The following ZNF254 variants were observed in gnomAD, a reference collection of about 807,000 sequenced individuals.
The protein encoded by ZNF254 is zinc finger protein 254.
ZNF254 carries 10 observed loss-of-function variants against 12.4 expected under a neutral mutation model. That is an observed-to-expected ratio of 0.80 (90% CI 0.50 to 1.36). ZNF254 has a LOEUF of 1.36. Among genes scored for constraint, ZNF254 ranks in the 40% most tolerant of loss-of-function variants. ZNF254 has a pLI of 0.00. For synonymous variants in ZNF254, 305 were observed against 253.4 expected (o/e 1.20, Z -1.93); for missense variants, 996 against 763.9 (o/e 1.30, Z -3.58).
intron 3 of ZNF254, among the ~76,000 whole-genome samples, chr19:24,117,488 C>G (rs1003258651): frequency 3.3e-5 from 5 of 152,300 alleles, no homozygotes; most frequent in African/African-American, 1.2e-4. Flanking sequence ...GGGCGTAGGA[C>G]CCTCCGAGCC....
intron 1 of ZNF254, chr19:24,033,686 T>C (rs528269492): frequency 9.9e-6 from 3 of 303,844 alleles, no homozygotes; most frequent in African/African-American, 2.3e-5. Context: ...GGGACTGCCT[T>C]CGTCACCGCT....
upstream of ZNF254, among the ~76,000 whole-genome samples, chr19:24,086,923 G>A (rs749824656): frequency 1.3e-5 from 2 of 152,132 alleles, no homozygotes; most frequent in Non-Finnish European, 2.9e-5. Context: ...TGAATACATT[G>A]AAAAAGAGAG....
rs758502367 is a variant in ZNF254 at position 24,127,204 on chromosome 19, G to T, written c.1204G>T (p.Gly402Ter). 1 of 1,612,844 alleles carries T rather than the reference G, an allele frequency of 6.2e-7. No homozygotes were observed. The highest frequency in any genetic ancestry group is 2.2e-5 in the East Asian group (1 of 44,718). ...TACTACACATAAAATAATTCATGTTGGAGAGAAACTCTACAAATGTGAAGA... is the reference window on the plus strand; with the variant it reads ...TACTACACATAAAATAATTCATGTTTGAGAGAAACTCTACAAATGTGAAGA... ...TLTTHKIIHV[G>*]EKLYKCEECG... is the part of the protein sequence containing the mutation. The change falls in exon 4 of 4, where the codon GGA becomes TGA. Residue 402 changes from glycine (G) to a stop codon, truncating the protein, a stop_gained. Transcript: ENST00000357002. LOFTEE classifies it low-confidence loss of function (END_TRUNC).
intron 1 of ZNF254, among the ~76,000 whole-genome samples, chr19:24,100,122 C>A (rs1378845890): frequency 2.0e-5 from 3 of 152,120 alleles, no homozygotes; most frequent in Non-Finnish European, 4.4e-5. Flanking sequence ...CAGATTTCTA[C>A]AAACTTTATA....
Position 24,126,891 on chromosome 19 carries a change from A to T in ZNF254, c.891A>T (p.Glu297Asp), listed in dbSNP as rs376042718. ...IHTGEKPYKCEECGKAFIWSS... is the reference protein window; with the variant it reads ...IHTGEKPYKCDECGKAFIWSS... ...CTGGAGAGAAACCTTACAAGTGTGAAGAATGTGGCAAAGCATTTATCTGGT... is the reference window on the plus strand; with the variant it reads ...CTGGAGAGAAACCTTACAAGTGTGATGAATGTGGCAAAGCATTTATCTGGT... The change falls in exon 4 of 4, where the codon GAA (glutamate) becomes GAT (aspartate). Residue 297 changes from glutamate to aspartate, a missense_variant. Glu to Asp is a conservative substitution (Grantham distance 45). Coordinates refer to ENST00000357002, the MANE Select transcript of ZNF254 (RefSeq NM_203282.4). 141 of 1,613,548 alleles carry T rather than the reference A, an allele frequency of 8.7e-5. No homozygotes were observed. The highest frequency in any genetic ancestry group is 1.2e-4 in the Non-Finnish European group (136 of 1,179,796).
intron 3 of ZNF254, among the ~76,000 whole-genome samples, chr19:24,118,851 C>G (rs537492373): frequency 6.6e-6 from 1 of 152,170 alleles, no homozygotes; most frequent in African/African-American, 2.4e-5. Flanking sequence ...GCACCTCACA[C>G]CTATAATCCT....
chr19:24,067,368 T>C (rs1006640848), intron 2 of ZNF254, among the ~76,000 whole-genome samples: 1 of 151,612 alleles, frequency 6.6e-6, no homozygotes, highest in Non-Finnish European at 1.5e-5. Context: ...TTGTGACATA[T>C]CTATGGGTCA....
Position 24,127,025 on chromosome 19 carries a change from G to A in ZNF254, c.1025G>A (p.Arg342Lys). Residue 342 changes from arginine (R) to lysine (K), a missense_variant, in exon 4 of 4, where the codon AGG becomes AAG. Transcript: ENST00000357002. ...IWSSTLTRHK[R>K]MHTGEKPYKC... ...TCCTCAACACTAACTAGACATAAGA[G>A]GATGCACACTGGAGAGAAACCCTAC... The A allele has an allele frequency of 6.2e-7, 1 of 1,612,210 alleles. No homozygotes were observed. The highest frequency in any genetic ancestry group is 8.5e-7 in the Non-Finnish European group (1 of 1,179,528).
At chr19:24,044,360 A>G (rs1039645059) in intron 1 of ZNF254, among the ~76,000 whole-genome samples, 1 of 152,036 alleles carries the variant, frequency 6.6e-6, no homozygotes, top group African/African-American at 2.4e-5. Flanking sequence ...AACATGGTGA[A>G]ACCCCGTCTT....
rs755726842 is a variant in ZNF254 at position 24,127,523 on chromosome 19, A to G, written c.1523A>G (p.His508Arg). ...SFSQSSTLTT[H>R]KIIHTGEKPY... Reference sequence around the variant, plus strand: ...AGCCAATCCTCAACCCTTACTACACATAAGATAATTCATACTGGAGAGAAA... The same window carrying G: ...AGCCAATCCTCAACCCTTACTACACGTAAGATAATTCATACTGGAGAGAAA... Residue 508 changes from histidine (H) to arginine (R), a missense_variant, in exon 4 of 4, where the codon CAT becomes CGT. His to Arg is a conservative substitution (Grantham distance 29). Coordinates refer to ENST00000357002, the MANE Select transcript of ZNF254 (RefSeq NM_203282.4). The G allele has an allele frequency of 6.2e-6, 10 of 1,613,636 alleles. No individual in the cohort carries two copies. The highest frequency in any genetic ancestry group is 2.2e-5 in the East Asian group (1 of 44,834).
chr19:24,092,285 G>A (rs1017492359), intron 1 of ZNF254, among the ~76,000 whole-genome samples: 4 of 151,638 alleles, frequency 2.6e-5, no homozygotes, highest in Non-Finnish European at 5.9e-5. Context: ...TCCTGCTTCA[G>A]CCTCTCGAAT....
intron 1 of ZNF254, among the ~76,000 whole-genome samples, chr19:24,045,723 T>G (rs1234715062): frequency 6.6e-6 from 1 of 151,816 alleles, no homozygotes; most frequent in Non-Finnish European, 1.5e-5. Context: ...CGAGAGAATT[T>G]TGAGCGCTAG....
chr19:24,107,588 C>A (rs1973424035), intron 3 of ZNF254, among the ~76,000 whole-genome samples: 1 of 151,998 alleles, frequency 6.6e-6, no homozygotes, highest in African/African-American at 2.4e-5. Flanking sequence ...TGTACTCTCT[C>A]TATATACATA....
chr19:24,117,615 G>A (rs1018339370), intron 3 of ZNF254, among the ~76,000 whole-genome samples: 35 of 152,220 alleles, frequency 2.3e-4, no homozygotes, highest in African/African-American at 8.4e-4. Flanking sequence ...TCTTTGACTA[G>A]GAAAGGGAAC....
At chr19:24,058,683 C>T (rs965492654) in intron 2 of ZNF254, among the ~76,000 whole-genome samples, 3 of 152,042 alleles carry the variant, frequency 2.0e-5, no homozygotes, top group Non-Finnish European at 4.4e-5. Context: ...GCTGGGATTA[C>T]AGTTGTGAGC....
intron 1 of ZNF254, chr19:24,105,541 G>T: frequency 4.6e-6 from 1 of 218,830 alleles, no homozygotes; most frequent in Non-Finnish European, 9.0e-6. Context: ...TATTGTACAC[G>T]TTAAAATTTG....
upstream of ZNF254, among the ~76,000 whole-genome samples, chr19:24,086,677 A>G (rs754730975): frequency 9.2e-5 from 14 of 152,014 alleles, no homozygotes; most frequent in Non-Finnish European, 2.9e-5. Flanking sequence ...AGGTTTCACC[A>G]TGATAGTCAG....
chr19:24,075,472 C>G (rs182721090), intron 2 of ZNF254, among the ~76,000 whole-genome samples: 1 of 152,122 alleles, frequency 6.6e-6, no homozygotes, highest in African/African-American at 2.4e-5. Context: ...GCAGGTTCCA[C>G]GATGCCCCCG....
chr19:24,106,425 T>G (rs778233847), intron 2 of ZNF254, 123 bp from the exon 3 acceptor site: 2 of 708,618 alleles, frequency 2.8e-6, no homozygotes, highest in Non-Finnish European at 4.1e-6. Flanking sequence ...ATTTCTGTTA[T>G]AAATTAGTGT....
Sources: allele counts gnomAD v4.1 joint callset (sites outside exome capture counted in the v4.1 genomes callset), GRCh38; gene constraint gnomAD v4.1.1; transcripts MANE v1.5; gene names NCBI Gene and HGNC (gene_info 2026-07-23, HGNC 2026-07-21).